KALRN: variants seen among roughly 807,000 people sequenced by gnomAD.
The protein encoded by KALRN is kalirin.
KALRN carries 70 observed loss-of-function variants against 353.7 expected under a neutral mutation model. That is an observed-to-expected ratio of 0.20 (90% CI 0.16 to 0.24). KALRN has a LOEUF of 0.24. KALRN is among the 10% of genes least tolerant of loss of function. The pLI, the probability that KALRN is intolerant of heterozygous loss-of-function variation, is 1.00. For missense variants in KALRN, 2,791 were observed against 3,756.7 expected, an observed-to-expected ratio of 0.74 and a Z score of 6.72; for synonymous variants, 1,391 against 1,434.8, an observed-to-expected ratio of 0.97 and a Z score of 0.69.
intron 3 of KALRN, among the ~76,000 whole-genome samples, chr3:124,255,294 T>C (rs2071786678): frequency 6.6e-6 from 1 of 152,184 alleles, no homozygotes; most frequent in African/African-American, 2.4e-5. Context: ...ATAGTTTCAG[T>C]CTTTGCTCCT....
chr3:124,354,178 A>C (rs537449633), intron 10 of KALRN, among the ~76,000 whole-genome samples: 87 of 152,314 alleles, frequency 5.7e-4, no homozygotes, highest in African/African-American at 1.9e-3. Context: ...TGGGGAACAA[A>C]TGGCACATTC....
intron 1 of KALRN, among the ~76,000 whole-genome samples, chr3:124,036,358 C>T (rs1290577652): frequency 1.3e-5 from 2 of 151,952 alleles, no homozygotes; most frequent in Non-Finnish European, 2.9e-5. Context: ...AAGATAACAG[C>T]CTCCACCTCC....
At chr3:124,562,353 T>A (rs1043157151) in intron 33 of KALRN, among the ~76,000 whole-genome samples, 3 of 152,122 alleles carry the variant, frequency 2.0e-5, no homozygotes, top group East Asian at 1.9e-4. Context: ...CTAGTGAGAA[T>A]CTAATGGGAG....
chr3:124,489,596 C>T (rs1433998749), intron 29 of KALRN, among the ~76,000 whole-genome samples: 1 of 152,058 alleles, frequency 6.6e-6, no homozygotes, highest in Non-Finnish European at 1.5e-5. Context: ...CATTTTTCTC[C>T]ACTCCTTTCC....
chr3:124,519,466 T>C (rs929186546), intron 33 of KALRN: 1 of 984,836 alleles, frequency 1.0e-6, no homozygotes, highest in African/African-American at 1.7e-5. Flanking sequence ...ATTTTCTAAC[T>C]TTTTTTAAAG....
intron 1 of KALRN, among the ~76,000 whole-genome samples, chr3:124,176,942 C>G (rs1009500254): frequency 6.6e-6 from 1 of 152,190 alleles, no homozygotes; most frequent in Non-Finnish European, 1.5e-5. Flanking sequence ...GCAAAGGAGA[C>G]AGCAGATTGA....
intron 28 of KALRN, 31 bp downstream of exon 28, chr3:124,482,931 AC>A (rs1422497497): frequency 2.1e-6 from 3 of 1,397,378 alleles, no homozygotes; most frequent in Non-Finnish European, 3.1e-6. Context: ...ATCCCCCTCC[AC>A]TGCCTACTGC....
intron 51 of KALRN, among the ~76,000 whole-genome samples, chr3:124,685,368 GC>G (rs904503405): frequency 6.6e-6 from 1 of 152,060 alleles, no homozygotes; most frequent in African/African-American, 2.4e-5. Flanking sequence ...CATCTATTAT[GC>G]TTTTTGTTCC....
chr3:124,671,373 C>G (rs1343047846), intron 47 of KALRN, among the ~76,000 whole-genome samples: 1 of 152,214 alleles, frequency 6.6e-6, no homozygotes, highest in East Asian at 1.9e-4. Flanking sequence ...GTGCCAGAGT[C>G]TGGCCACAGC....
chr3:124,479,140 T>C (rs1290759851), intron 27 of KALRN, among the ~76,000 whole-genome samples: 1 of 152,244 alleles, frequency 6.6e-6, no homozygotes, highest in Non-Finnish European at 1.5e-5. Flanking sequence ...CACATCTCAG[T>C]GCCTGGCACC....
chr3:124,283,240 T>A (rs1560455214), intron 5 of KALRN, among the ~76,000 whole-genome samples: 1 of 152,238 alleles, frequency 6.6e-6, no homozygotes, highest in Admixed American at 6.5e-5. Flanking sequence ...GTGTATCCCT[T>A]ATGCCAGGAA....
rs941433261 is a variant in KALRN, at chr3:124,203,362, G to A, written c.74-24628G>A. The stretch of plus-strand genomic sequence containing the variant: ...TTCTATTTGATTGTGCCCATTTGGT[G>A]GGGATGGAAATTAAGACCAAGGGAA... On this transcript the variant is annotated intron_variant, in intron 1 of 59. Coordinates refer to ENST00000682506, the MANE Select transcript of KALRN (RefSeq NM_001388419.1). Among the ~76,000 whole-genome samples, 10 of 152,302 alleles carry A rather than the reference G, an allele frequency of 6.6e-5. No individual in the cohort carries two copies. In the East Asian group the frequency reaches 1.5e-3, roughly 24 times the overall value.
chr3:124,366,263 C>G (rs493303), intron 10 of KALRN, among the ~76,000 whole-genome samples: 91,267 of 143,792 alleles, frequency 0.63, 29,507 homozygotes, highest in East Asian at 0.89. Flanking sequence ...GGGGGATTTG[C>G]CAGGGTCATG....
intron 10 of KALRN, among the ~76,000 whole-genome samples, chr3:124,356,086 C>T (rs2083373124): frequency 6.6e-6 from 1 of 151,970 alleles, no homozygotes; most frequent in Non-Finnish European, 1.5e-5. Context: ...CTACTTTCCC[C>T]TCTGTTTCTC....
chr3:124,167,005 A>G (rs576398649), intron 1 of KALRN, among the ~76,000 whole-genome samples: 83 of 152,284 alleles, frequency 5.5e-4, no homozygotes, highest in Admixed American at 1.4e-3. Flanking sequence ...CGATCACACC[A>G]CTGCACTCCA....
chr3:124,454,940 G>A (rs1300708184), intron 21 of KALRN, among the ~76,000 whole-genome samples: 1 of 152,154 alleles, frequency 6.6e-6, no homozygotes, highest in Non-Finnish European at 1.5e-5. Flanking sequence ...CCCCACCCCA[G>A]CACTGAGGGA....
At chr3:124,205,271 C>G (rs2076315985) in intron 1 of KALRN, among the ~76,000 whole-genome samples, 1 of 152,148 alleles carries the variant, frequency 6.6e-6, no homozygotes, top group Non-Finnish European at 1.5e-5. Context: ...GGCAAAAATT[C>G]TGAAAATTAC....
In KALRN at chr3:124,422,751, A is replaced by G. The variant is rs929045393; in HGVS notation, c.2543-61A>G. 30 of 1,381,192 alleles carry G rather than the reference A, an allele frequency of 2.2e-5. 1 individual carries two copies. In the South Asian group the frequency reaches 3.8e-4, roughly 18 times the overall value. 85.6% of individuals were successfully genotyped at this position (1,381,192 alleles called of 1,614,324 possible). A position where few individuals can be genotyped will look rare whatever the true frequency, so the allele number is the denominator to read the frequency against. ...ATTCCAGTTTTCTTATGCATATTGA[A>G]GGGAATGTAGCCTTCACAGTACTAG... On this transcript the variant is annotated intron_variant, in intron 14 of 59. Transcript: ENST00000682506.
At chr3:124,122,993 G>C (rs756119723) in intron 1 of KALRN, among the ~76,000 whole-genome samples, 2 of 152,094 alleles carry the variant, frequency 1.3e-5, no homozygotes, top group Non-Finnish European at 2.9e-5. Flanking sequence ...ACAAGATCAG[G>C]AGTTTGAGAC....
Sources: gnomAD v4.1 joint callset for allele counts (sites outside exome capture counted in the v4.1 genomes callset) on GRCh38, gnomAD v4.1.1 for gene constraint, MANE v1.5 for transcripts, NCBI Gene and HGNC (gene_info 2026-07-23, HGNC 2026-07-21) for gene names.